Variants in SLC25A21 observed in about 807,000 individuals in gnomAD.
SLC25A21 encodes the protein solute carrier family 25 member 21.
In SLC25A21, 47 loss-of-function variants were observed where a neutral mutation model predicts 43.8. The ratio of observed to expected loss-of-function variants is 1.07; its 90% CI spans 0.85 to 1.37. The LOEUF (loss-of-function observed/expected upper bound fraction) is 1.37, where lower values mean the gene tolerates loss of function less well. SLC25A21 is among the 40% of genes most tolerant of loss of function. The pLI is 0.00. For synonymous variants in SLC25A21, 131 were observed against 121.3 expected, an observed-to-expected ratio of 1.08 and a Z score of -0.52; for missense variants, 352 against 350.2, an observed-to-expected ratio of 1.00 and a Z score of -0.04.
At chr14:36,761,054 C>A (rs951423461) in intron 3 of SLC25A21, among the ~76,000 whole-genome samples, 1 of 152,222 alleles carries the variant, frequency 6.6e-6, no homozygotes, top group African/African-American at 2.4e-5. Flanking sequence ...TTAAAAGCAT[C>A]TCTTTAATTA....
chr14:37,092,633 C>T (rs908068999), intron 1 of SLC25A21, among the ~76,000 whole-genome samples: 21 of 152,066 alleles, frequency 1.4e-4, no homozygotes, highest in Non-Finnish European at 2.9e-5. Flanking sequence ...GGAAAGAAAT[C>T]GTTCCTCTCT....
At chr14:36,723,417 C>G (rs944012390) in intron 6 of SLC25A21, among the ~76,000 whole-genome samples, 3 of 152,148 alleles carry the variant, frequency 2.0e-5, no homozygotes, top group Non-Finnish European at 2.9e-5. Flanking sequence ...AATAAAGTCA[C>G]TTTTAAAATA....
chr14:36,779,640 A>ATATATATATG (rs1886979324), intron 3 of SLC25A21, among the ~76,000 whole-genome samples: 1 of 136,954 alleles, frequency 7.3e-6, no homozygotes, highest in Admixed American at 7.4e-5. Context: ...ATATATATAT[A>ATATATATATG]TATGTATACA....
intron 1 of SLC25A21, among the ~76,000 whole-genome samples, chr14:36,936,961 T>C (rs544484845): frequency 6.6e-6 from 1 of 152,264 alleles, no homozygotes; most frequent in African/African-American, 2.4e-5. Flanking sequence ...AGCCATAAGG[T>C]CATGGCTAGG....
At chr14:37,062,335 G>A (rs1328416380) in intron 1 of SLC25A21, among the ~76,000 whole-genome samples, 1 of 152,168 alleles carries the variant, frequency 6.6e-6, no homozygotes. Context: ...TCACAGAAGA[G>A]TTGTGAGAAG....
intron 3 of SLC25A21, among the ~76,000 whole-genome samples, chr14:36,804,898 C>T (rs935699621): frequency 2.0e-5 from 3 of 152,132 alleles, no homozygotes; most frequent in Non-Finnish European, 4.4e-5. Context: ...TTTGGTAAAG[C>T]CATACTTTCT....
intron 1 of SLC25A21, among the ~76,000 whole-genome samples, chr14:36,936,643 A>C (rs1892431127): frequency 6.6e-6 from 1 of 152,198 alleles, no homozygotes; most frequent in Non-Finnish European, 1.5e-5. Flanking sequence ...TTTTAAGGTA[A>C]GATTGAATTT....
At chr14:37,110,281 A>G (rs1418746802) in intron 1 of SLC25A21, among the ~76,000 whole-genome samples, 1 of 152,184 alleles carries the variant, frequency 6.6e-6, no homozygotes, top group African/African-American at 2.4e-5. Context: ...TAGTCCCTTG[A>G]GCACTTGCTT....
intron 1 of SLC25A21, among the ~76,000 whole-genome samples, chr14:36,898,293 A>AGT (rs2138593704): frequency 6.6e-6 from 1 of 152,288 alleles, no homozygotes; most frequent in African/African-American, 2.4e-5. Flanking sequence ...CTGCTGTGCT[A>AGT]GCAATGAGCG....
intron 1 of SLC25A21, among the ~76,000 whole-genome samples, chr14:37,154,968 A>C (rs556707672): frequency 6.6e-6 from 1 of 152,316 alleles, no homozygotes; most frequent in South Asian, 2.1e-4. Context: ...ACCAAATAGA[A>C]ATTCTGGACC....
At chr14:36,781,986 A>G (rs1388468681) in intron 3 of SLC25A21, among the ~76,000 whole-genome samples, 1 of 152,180 alleles carries the variant, frequency 6.6e-6, no homozygotes, top group East Asian at 1.9e-4. Flanking sequence ...CTTCGTTTCT[A>G]AAGAATAGCT....
At chr14:36,839,961 T>C (rs1224675215) in intron 2 of SLC25A21, among the ~76,000 whole-genome samples, 1 of 152,198 alleles carries the variant, frequency 6.6e-6, no homozygotes, top group East Asian at 1.9e-4. Context: ...AAGTGGTTAG[T>C]CTTTGACCAA....
intron 1 of SLC25A21, among the ~76,000 whole-genome samples, chr14:37,153,082 A>C (rs1963786587): frequency 6.6e-6 from 1 of 152,176 alleles, no homozygotes; most frequent in South Asian, 2.1e-4. Flanking sequence ...CCAGCAGCCC[A>C]CATCCCCACC....
At chr14:36,717,988 T>C (rs1339550633) in intron 6 of SLC25A21, among the ~76,000 whole-genome samples, 2 of 152,148 alleles carry the variant, frequency 1.3e-5, no homozygotes, top group African/African-American at 2.4e-5. Context: ...TTTCTTTATA[T>C]AGCTCTGTCT....
At chr14:36,815,025 C>T (rs1338949431) in intron 2 of SLC25A21, among the ~76,000 whole-genome samples, 11 of 152,102 alleles carry the variant, frequency 7.2e-5, no homozygotes, top group Non-Finnish European at 1.0e-4. Context: ...TGCAGGGACA[C>T]GGATTAAGCT....
At chr14:37,070,675 A>G (rs1230365818) in intron 1 of SLC25A21, among the ~76,000 whole-genome samples, 2 of 152,216 alleles carry the variant, frequency 1.3e-5, no homozygotes, top group Non-Finnish European at 2.9e-5. Flanking sequence ...GCTGCTGACC[A>G]GAATTGCACA....
Position 36,680,578 on chromosome 14 carries a change from C to A in SLC25A21, c.*80G>T. 1 of 1,520,164 alleles carries A rather than the reference C, an allele frequency of 6.6e-7. No homozygotes were observed. Among genetic ancestry groups the A allele is most frequent in the South Asian group, 1.3e-5 (1 of 74,074 alleles). The allele number at this position is 1,520,164 out of a possible 1,614,324, so 94.2% of individuals were successfully genotyped here. ...TTCTCCTTCATAATTATACACCTGG[C>A]CGATCGATAGTCTCTCTTCTTCATG... On this transcript the variant is annotated 3_prime_UTR_variant, in exon 10 of 10. Coordinates refer to ENST00000331299, the MANE Select transcript of SLC25A21 (RefSeq NM_030631.4).
intron 2 of SLC25A21, among the ~76,000 whole-genome samples, chr14:36,826,706 C>T (rs532323873): frequency 1.3e-5 from 2 of 152,308 alleles, no homozygotes; most frequent in African/African-American, 4.8e-5. Context: ...TTTCTCATTT[C>T]CATGTCAGAG....
chr14:36,824,744 T>C (rs908620822), intron 2 of SLC25A21, among the ~76,000 whole-genome samples: 1 of 137,054 alleles, frequency 7.3e-6, no homozygotes, highest in African/African-American at 2.8e-5. Flanking sequence ...TTTTCATTAG[T>C]GAAAAGAGAA....
Sources: allele counts gnomAD v4.1 joint callset (sites outside exome capture counted in the v4.1 genomes callset), GRCh38; gene constraint gnomAD v4.1.1; transcripts MANE v1.5; gene names NCBI Gene and HGNC (gene_info 2026-07-23, HGNC 2026-07-21).